The following EVI5 variants were observed in gnomAD, a reference collection of about 807,000 sequenced individuals.
EVI5 encodes ecotropic viral integration site 5.
EVI5 carries 73 observed loss-of-function variants against 112.0 expected under a neutral mutation model. The observed-to-expected ratio is 0.65, with a 90% CI of 0.54 to 0.79. The LOEUF is 0.79. Among genes scored for constraint, EVI5 ranks in the 30% least tolerant of loss-of-function variants. The pLI is 0.00. For synonymous variants in EVI5, 305 were observed against 319.9 expected (o/e 0.95, Z 0.50); for missense variants, 900 against 968.8 (o/e 0.93, Z 0.94).
intron 1 of EVI5, among the ~76,000 whole-genome samples, chr1:92,740,999 G>A (rs1678295712): frequency 6.6e-6 from 1 of 152,178 alleles, no homozygotes; most frequent in Non-Finnish European, 1.5e-5. Flanking sequence ...TATGGTGCCA[G>A]AGGTTTGGAA....
intron 10 of EVI5, among the ~76,000 whole-genome samples, chr1:92,668,959 A>G (rs1434265130): frequency 6.6e-6 from 1 of 152,242 alleles, no homozygotes; most frequent in Non-Finnish European, 1.5e-5. Flanking sequence ...TTTTGAAGTT[A>G]GGCAGATTTA....
chr1:92,791,653 G>A (rs1001511313), intron 1 of EVI5, among the ~76,000 whole-genome samples: 1 of 151,900 alleles, frequency 6.6e-6, no homozygotes, highest in Admixed American at 6.6e-5. Context: ...TCATAGATGC[G>A]ACGTGAGATG....
At position 92,695,160 on chromosome 1, in the gene EVI5, G is replaced by A. The variant is rs1670104233; in HGVS notation, c.909+150C>T. ...AATAAAAACAGTATCTACCTGATAG[G>A]GTTATTATAAGGTTTAAATGAGATT... On this transcript the variant is annotated intron_variant, in intron 7 of 19. Coordinates refer to ENST00000684568, the MANE Select transcript of EVI5 (RefSeq NM_001350197.2). The A allele has an allele frequency of 5.3e-6, 3 of 570,694 alleles. No homozygotes were observed. The South Asian group carries it at 8.8e-5, about 17-fold the overall frequency. The allele number at this position is 570,694 out of a possible 1,614,324, so 35.4% of individuals were successfully genotyped here.
chr1:92,694,426 C>T (rs753324423), intron 7 of EVI5, 38 bp from the exon 8 acceptor site: 2 of 1,191,310 alleles, frequency 1.7e-6, no homozygotes, highest in African/African-American at 1.5e-5. Flanking sequence ...ATTTATGTTA[C>T]TCTTCCATCA....
At chr1:92,729,853 T>C (rs1452218547) in intron 2 of EVI5, among the ~76,000 whole-genome samples, 2 of 152,194 alleles carry the variant, frequency 1.3e-5, no homozygotes, top group Non-Finnish European at 2.9e-5. Flanking sequence ...ACAAACAAAA[T>C]TTTAGCAAAT....
intron 19 of EVI5, among the ~76,000 whole-genome samples, chr1:92,550,782 ATATATAT>A (rs1467247715): frequency 6.1e-4 from 7 of 11,464 alleles, no homozygotes; most frequent in African/African-American, 1.3e-3. Context: ...AAAAAAAAAA[ATATATAT>A]ATATATATAT....
intron 19 of EVI5, among the ~76,000 whole-genome samples, chr1:92,534,141 A>C (rs1663389922): frequency 6.6e-6 from 1 of 152,208 alleles, no homozygotes; most frequent in Non-Finnish European, 1.5e-5. Flanking sequence ...CCAATAACAG[A>C]CAAACAGAGA....
chr1:92,605,233 G>T (rs1650096730), intron 18 of EVI5, 74 bp downstream of exon 18: 1 of 971,598 alleles, frequency 1.0e-6, no homozygotes, highest in East Asian at 2.4e-5. Flanking sequence ...AGGATAAAGA[G>T]TAAGTTACTG....
chr1:92,515,113 T>C (rs754301882), intron 19 of EVI5, among the ~76,000 whole-genome samples: 4 of 152,184 alleles, frequency 2.6e-5, no homozygotes, highest in Non-Finnish European at 4.4e-5. Context: ...ACTCATCTCT[T>C]TTCCCTTTCT....
At chr1:92,784,689 G>A (rs1685380059) in intron 1 of EVI5, 147 bp downstream of exon 1, 4 of 456,136 alleles carry the variant, frequency 8.8e-6, no homozygotes, top group African/African-American at 8.5e-5. Flanking sequence ...AGGCCCTGGC[G>A]GGGCCAGGCG....
chr1:92,561,142 A>T (rs150462056), intron 19 of EVI5, among the ~76,000 whole-genome samples: 1 of 152,274 alleles, frequency 6.6e-6, no homozygotes, highest in African/African-American at 2.4e-5. Flanking sequence ...TCTGAGGCCC[A>T]CTTACAGGAA....
At chr1:92,680,486 A>C (rs1417574561) in intron 9 of EVI5, among the ~76,000 whole-genome samples, 2 of 152,188 alleles carry the variant, frequency 1.3e-5, no homozygotes, top group Non-Finnish European at 2.9e-5. Context: ...GGTGAAGGGA[A>C]AGCTCTTCCT....
chr1:92,544,037 C>T (rs1264007727), intron 19 of EVI5, among the ~76,000 whole-genome samples: 2 of 152,126 alleles, frequency 1.3e-5, no homozygotes, highest in African/African-American at 4.8e-5. Context: ...ATGAATGAGC[C>T]TTGAAAACAT....
chr1:92,562,524 C>T (rs1486342452), intron 19 of EVI5, among the ~76,000 whole-genome samples: 1 of 151,434 alleles, frequency 6.6e-6, no homozygotes, highest in South Asian at 2.1e-4. Flanking sequence ...AGCGAGACTC[C>T]GTCTAAAAAA....
chr1:92,653,701 C>T (rs1662538781), intron 13 of EVI5, among the ~76,000 whole-genome samples: 1 of 152,232 alleles, frequency 6.6e-6, no homozygotes, highest in Non-Finnish European at 1.5e-5. Context: ...GGGACCCCCT[C>T]CCCCTCTCCA....
chr1:92,693,912 T>TAA lies in EVI5; in HGVS notation c.1000-15_1000-14dup. The TAA allele has an allele frequency of 3.7e-5, 49 of 1,317,450 alleles. No individual in the cohort carries two copies. The highest frequency in any genetic ancestry group is 5.5e-5 in the South Asian group (4 of 72,304). The allele number at this position is 1,317,450 out of a possible 1,614,324, so 81.6% of individuals were successfully genotyped here. A position where few individuals can be genotyped will look rare whatever the true frequency, so the allele number is the denominator to read the frequency against. On this transcript the variant is annotated splice_polypyrimidine_tract_variant and intron_variant, in intron 8 of 19. Transcript: ENST00000684568. ...CCTTTTGAAAGTGCTAAGATACAAT[T>TAA]AAAAAAAAAACATAAGAATGACTTA... is the stretch of plus-strand genomic sequence containing the variant.
intron 18 of EVI5, 99 bp from the exon 19 acceptor site, chr1:92,563,836 T>G: frequency 1.7e-6 from 1 of 586,602 alleles, no homozygotes; most frequent in South Asian, 2.5e-5. Context: ...GCACATACCC[T>G]TTAATCACCT....
Position 92,662,784 on chromosome 1 carries a change from C to T in EVI5, c.1327G>A (p.Glu443Lys). ...GCTTGCTCCAGCTTAGCACTGGCCT[C>T]ATCACTCTGCTGTTTGATGGTGGCC... ...ELATIKQQSDEASAKLEQAEN... is the reference protein window; with the variant it reads ...ELATIKQQSDKASAKLEQAEN... Residue 443 changes from glutamate to lysine, a missense_variant, in exon 13 of 20, where the codon GAG becomes AAG. Transcript: ENST00000684568. 7.8e-7 allele frequency: 1 copy of T among 1,289,492 alleles called. No individual in the cohort carries two copies. Among genetic ancestry groups the T allele is most frequent in the African/African-American group, 1.5e-5 (1 of 65,920 alleles). 79.9% of individuals were successfully genotyped at this position (1,289,492 alleles called of 1,614,324 possible).
At chr1:92,572,304 C>A (rs1364790220) in intron 18 of EVI5, among the ~76,000 whole-genome samples, 3 of 151,968 alleles carry the variant, frequency 2.0e-5, no homozygotes, top group Non-Finnish European at 4.4e-5. Context: ...GATAAAGCAA[C>A]AGAAAAAGAA....
Sources: gnomAD v4.1 joint callset for allele counts (sites outside exome capture counted in the v4.1 genomes callset) on GRCh38, gnomAD v4.1.1 for gene constraint, MANE v1.5 for transcripts, NCBI Gene and HGNC (gene_info 2026-07-23, HGNC 2026-07-21) for gene names.